The following CEP128 variants were observed in gnomAD, a reference collection of about 807,000 sequenced individuals.
CEP128 encodes the protein centrosomal protein 128.
A neutral mutation model predicts 156.7 loss-of-function variants in CEP128; 132 were observed. The observed-to-expected ratio is 0.84, with a 90% confidence interval of 0.73 to 0.97. CEP128 has a LOEUF of 0.97. CEP128 is among the 50% of genes least tolerant of loss of function. The pLI is 0.00. For synonymous variants in CEP128, 469 were observed against 448.9 expected (o/e 1.04, Z -0.57); for missense variants, 1,252 against 1,281.9 (o/e 0.98, Z 0.36).
chr14:80,799,032 G>C (rs1404950570), intron 13 of CEP128, among the ~76,000 whole-genome samples: 1 of 152,194 alleles, frequency 6.6e-6, no homozygotes, highest in African/African-American at 2.4e-5. Flanking sequence ...AAAACTGCCA[G>C]ACTGTAATGA....
intron 19 of CEP128, among the ~76,000 whole-genome samples, chr14:80,582,868 T>A (rs1226840361): frequency 6.6e-6 from 1 of 152,096 alleles, no homozygotes; most frequent in African/African-American, 2.4e-5. Context: ...GCTGGGCACT[T>A]TGTAATGAAT....
chr14:80,655,120 T>A (rs1229154742), intron 19 of CEP128, among the ~76,000 whole-genome samples: 1 of 152,208 alleles, frequency 6.6e-6, no homozygotes, highest in Non-Finnish European at 1.5e-5. Flanking sequence ...TACCCCTCTT[T>A]AAGCTCTTAT....
intron 9 of CEP128, among the ~76,000 whole-genome samples, chr14:80,842,145 C>T (rs901086973): frequency 6.6e-6 from 1 of 152,018 alleles, no homozygotes; most frequent in Non-Finnish European, 1.5e-5. Flanking sequence ...TCTATTATAG[C>T]TCTACTTGCT....
At chr14:80,930,106 T>G (rs933532976) in intron 2 of CEP128, among the ~76,000 whole-genome samples, 3 of 152,288 alleles carry the variant, frequency 2.0e-5, no homozygotes, top group African/African-American at 7.2e-5. Flanking sequence ...GTGTTCCTTA[T>G]GAGAATCTAA....
chr14:80,646,064 T>C (rs994541494), intron 19 of CEP128, among the ~76,000 whole-genome samples: 71 of 152,048 alleles, frequency 4.7e-4, no homozygotes, highest in African/African-American at 1.7e-3. Context: ...GAGGGATAAA[T>C]AGGTAGAGCT....
At chr14:80,793,604 A>T (rs1223530459) in intron 13 of CEP128, among the ~76,000 whole-genome samples, 1 of 152,218 alleles carries the variant, frequency 6.6e-6, no homozygotes, top group Non-Finnish European at 1.5e-5. Context: ...ATAACATATT[A>T]GGTTCCCAAT....
intron 8 of CEP128, among the ~76,000 whole-genome samples, chr14:80,874,808 C>G (rs1233671322): frequency 6.6e-6 from 1 of 151,994 alleles, no homozygotes; most frequent in Non-Finnish European, 1.5e-5. Flanking sequence ...TTAGTAGAGA[C>G]GGGGTTTCAC....
rs573684122 is a variant in CEP128 at position 80,515,816 on chromosome 14, G to A, written c.3073-10796C>T. ...ATGTGCTGGGTCACACCTGAAGCTA[G>A]CACAGGCCTGCGTCTTACCTAAGAC... On this transcript the variant is annotated intron_variant, in intron 23 of 24. Transcript: ENST00000555265. 2.0e-5 allele frequency among the ~76,000 whole-genome samples: 3 copies of A among 152,308 alleles called. No homozygotes were observed. In the South Asian group the frequency reaches 6.2e-4, roughly 32 times the overall value.
intron 19 of CEP128, among the ~76,000 whole-genome samples, chr14:80,731,508 A>T (rs1045429116): frequency 1.3e-5 from 2 of 152,236 alleles, no homozygotes; most frequent in African/African-American, 2.4e-5. Context: ...GAACATTAAG[A>T]TCTAATGTCA....
chr14:80,900,523 T>C (rs1348253589), intron 6 of CEP128, among the ~76,000 whole-genome samples: 1 of 152,226 alleles, frequency 6.6e-6, no homozygotes, highest in Admixed American at 6.5e-5. Flanking sequence ...ATGCCTTAGT[T>C]TGCCAACTCC....
rs116679913 is a variant in CEP128, at chr14:80,914,392, A to G, written c.164T>C (p.Leu55Pro). ...TCCAAGCATCTGGTCCACTTGTCGC[A>G]GGTTCCGACTGGTATCCTTGAGAAA... ...TSTLQDTSRN[L>P]RQVDQMLGRY... Residue 55 changes from leucine (L) to proline (P), a missense_variant, in exon 4 of 25, where the codon CTG (leucine) becomes CCG (proline). Transcript: ENST00000555265. 4 of 1,613,574 alleles carry G rather than the reference A, an allele frequency of 2.5e-6. No homozygotes were observed. The African/African-American group carries it at 5.3e-5, about 21-fold the overall frequency.
At chr14:80,931,527 G>C (rs1885466605) in intron 2 of CEP128, among the ~76,000 whole-genome samples, 2 of 152,206 alleles carry the variant, frequency 1.3e-5, no homozygotes, top group Admixed American at 1.3e-4. Flanking sequence ...TCTAAAGGTA[G>C]ATCACTGGCC....
chr14:80,640,191 C>T (rs984638905), intron 19 of CEP128, among the ~76,000 whole-genome samples: 7 of 152,162 alleles, frequency 4.6e-5, no homozygotes, highest in African/African-American at 1.7e-4. Context: ...AGGACACACT[C>T]TCATCTTTCT....
chr14:80,743,754 A>C (rs893712566), intron 18 of CEP128, among the ~76,000 whole-genome samples: 4 of 152,198 alleles, frequency 2.6e-5, no homozygotes, highest in African/African-American at 9.7e-5. Context: ...TATTGACTAG[A>C]AGATATAGAG....
At chr14:80,631,988 C>T (rs1893978151) in intron 19 of CEP128, among the ~76,000 whole-genome samples, 1 of 152,062 alleles carries the variant, frequency 6.6e-6, no homozygotes, top group African/African-American at 2.4e-5. Flanking sequence ...GTTGACCTGA[C>T]TCTAAAGTCC....
intron 19 of CEP128, among the ~76,000 whole-genome samples, chr14:80,604,307 T>C (rs914943737): frequency 5.3e-5 from 8 of 152,204 alleles, no homozygotes; most frequent in Admixed American, 2.6e-4. Flanking sequence ...TATGGTCAAG[T>C]ATTCTAGGGA....
chr14:80,511,422 C>T (rs1442562355), intron 23 of CEP128, among the ~76,000 whole-genome samples: 1 of 151,844 alleles, frequency 6.6e-6, no homozygotes, highest in African/African-American at 2.4e-5. Flanking sequence ...CTCTGATGAT[C>T]CTCTCTGCAG....
At position 80,932,660 on chromosome 14, in the gene CEP128, A is replaced by G. The variant is rs192689992; in HGVS notation, c.-16+6725T>C. ...AGACGGGACTGTCTAGTTGCAGGAA[A>G]AAAAAGCTCAGGGCTCCCACTGACT... On this transcript the variant is annotated intron_variant, in intron 2 of 24. Coordinates refer to ENST00000555265, the MANE Select transcript of CEP128 (RefSeq NM_152446.5). Among the ~76,000 whole-genome samples the G allele has an allele frequency of 8.4e-3, 1,273 of 152,322 alleles. 13 individuals carry two copies. Among genetic ancestry groups the G allele is most frequent in the Non-Finnish European group, 0.01 (688 of 68,016 alleles).
intron 9 of CEP128, among the ~76,000 whole-genome samples, chr14:80,858,577 A>G (rs1887334240): frequency 7.2e-6 from 1 of 138,174 alleles, no homozygotes; most frequent in Non-Finnish European, 1.6e-5. Context: ...GCTTCTGCAC[A>G]GCAAAAGAAA....
Sources: allele counts gnomAD v4.1 joint callset (sites outside exome capture counted in the v4.1 genomes callset), GRCh38; gene constraint gnomAD v4.1.1; transcripts MANE v1.5; gene names NCBI Gene and HGNC (gene_info 2026-07-23, HGNC 2026-07-21).